Variants in ATP8B1 observed in about 807,000 individuals in gnomAD.
ATP8B1 encodes the protein ATPase phospholipid transporting 8B1, also known as phospholipid-transporting ATPase IC.
A neutral mutation model predicts 149.9 loss-of-function variants in ATP8B1; 80 were observed. The observed-to-expected ratio is 0.53, with a 90% CI of 0.45 to 0.64. ATP8B1 has a LOEUF of 0.64. ATP8B1 is among the 30% of genes least tolerant of loss of function. ATP8B1 has a pLI of 0.00. For missense variants in ATP8B1, 1,247 were observed against 1,552.6 expected, an observed-to-expected ratio of 0.80 and a Z score of 3.31; for synonymous variants, 536 against 562.8, an observed-to-expected ratio of 0.95 and a Z score of 0.67.
chr18:57,672,886 GTATATATATATATATATA>G (rs1198919117), intron 16 of ATP8B1, among the ~76,000 whole-genome samples: 3 of 14,062 alleles, frequency 2.1e-4, no homozygotes, highest in African/African-American at 4.6e-4. Flanking sequence ...AAAAAAAAAA[GTATATATATATATATATA>G]TATATATATA....
intron 1 of ATP8B1, among the ~76,000 whole-genome samples, chr18:57,796,954 T>G (rs975324298): frequency 4.6e-5 from 7 of 152,194 alleles, no homozygotes; most frequent in African/African-American, 1.7e-4. Flanking sequence ...TTATAGAAAA[T>G]GTTAAGTGTT....
At chr18:57,650,750 T>C (rs1427735514) in intron 26 of ATP8B1, among the ~76,000 whole-genome samples, 1 of 152,050 alleles carries the variant, frequency 6.6e-6, no homozygotes, top group Non-Finnish European at 1.5e-5. Context: ...GACAGCAGAA[T>C]TGCTTGAACC....
chr18:57,684,284 A>G, intron 14 of ATP8B1, 92 bp from the exon 15 acceptor site: 1 of 1,380,206 alleles, frequency 7.2e-7, no homozygotes, highest in East Asian at 2.5e-5. Flanking sequence ...CAAGGTTTCA[A>G]TTATGCAAAA....
chr18:57,774,745 T>A (rs1302195357), intron 1 of ATP8B1, among the ~76,000 whole-genome samples: 2 of 152,258 alleles, frequency 1.3e-5, no homozygotes, highest in Admixed American at 1.3e-4. Context: ...CAGATGTTTG[T>A]TGACTGAATG....
At chr18:57,753,931 CAA>C (rs1218057370) in intron 1 of ATP8B1, among the ~76,000 whole-genome samples, 1 of 71,040 alleles carries the variant, frequency 1.4e-5, no homozygotes, top group Non-Finnish European at 2.5e-5. Context: ...GACTCTGTCT[CAA>C]AAAAAAAAAA....
chr18:57,763,122 G>A (rs554109548), intron 1 of ATP8B1, among the ~76,000 whole-genome samples: 46 of 152,214 alleles, frequency 3.0e-4, no homozygotes, highest in Admixed American at 7.2e-4. Flanking sequence ...GGCCGGGCGC[G>A]GTGGCTCATG....
chr18:57,743,259 C>T (rs149344465), intron 1 of ATP8B1, among the ~76,000 whole-genome samples: 14 of 152,200 alleles, frequency 9.2e-5, no homozygotes, highest in Admixed American at 5.9e-4. Context: ...GTACAGTGAA[C>T]GCATCGTAGA....
intron 1 of ATP8B1, among the ~76,000 whole-genome samples, chr18:57,760,648 C>T (rs2080140301): frequency 1.3e-5 from 2 of 152,228 alleles, no homozygotes. Context: ...ACTATATCCT[C>T]CTCTTTGTTC....
chr18:57,708,157 CAAAA>C (rs36027330), intron 2 of ATP8B1, among the ~76,000 whole-genome samples: 2 of 67,074 alleles, frequency 3.0e-5, no homozygotes, highest in Non-Finnish European at 5.6e-5. Context: ...AACTCTGTCT[CAAAA>C]AAAAAAAAAA....
chr18:57,760,823 T>A (rs562569727), intron 1 of ATP8B1, among the ~76,000 whole-genome samples: 125 of 151,898 alleles, frequency 8.2e-4, no homozygotes, highest in African/African-American at 2.8e-3. Flanking sequence ...ACCCCGTCTC[T>A]ACTAAAAATA....
intron 1 of ATP8B1, among the ~76,000 whole-genome samples, chr18:57,753,949 G>GAAAAAAAAAAAAAAAAAAAAAAA (rs1165856929): frequency 1.1e-5 from 1 of 93,098 alleles, no homozygotes; most frequent in Non-Finnish European, 1.9e-5. Context: ...AAAAAAAAAA[G>GAAAAAAAAAAAAAAAAAAAAAAA]AAAGAAAGAA....
chr18:57,692,112 T>C, intron 11 of ATP8B1, 115 bp from the exon 12 acceptor site: 1 of 1,465,234 alleles, frequency 6.8e-7, no homozygotes, highest in Non-Finnish European at 9.1e-7. Flanking sequence ...TTTAGTAGTC[T>C]GAAAAATAAT....
intron 4 of ATP8B1, among the ~76,000 whole-genome samples, chr18:57,704,080 C>T (rs1441020331): frequency 6.6e-6 from 1 of 152,086 alleles, no homozygotes. Flanking sequence ...GATTCTCTTG[C>T]CTCAGTCTCC....
intron 1 of ATP8B1, among the ~76,000 whole-genome samples, chr18:57,733,671 A>G (rs951862765): frequency 2.1e-5 from 3 of 144,662 alleles, no homozygotes; most frequent in Non-Finnish European, 4.5e-5. Context: ...GCGCCACTGC[A>G]CTCCAGCCCG....
intron 15 of ATP8B1, among the ~76,000 whole-genome samples, chr18:57,677,303 A>G (rs1361253153): frequency 6.6e-6 from 1 of 152,220 alleles, no homozygotes; most frequent in African/African-American, 2.4e-5. Flanking sequence ...ATATCTCTGT[A>G]TACACATGTT....
chr18:57,778,899 C>T (rs997204634), intron 1 of ATP8B1, among the ~76,000 whole-genome samples: 1 of 152,194 alleles, frequency 6.6e-6, no homozygotes, highest in Non-Finnish European at 1.5e-5. Context: ...CTAACCCCTG[C>T]TCAAGGGAGA....
chr18:57,704,811 C>T (rs541922088), intron 3 of ATP8B1, 143 bp from the exon 4 acceptor site: 116 of 676,236 alleles, frequency 1.7e-4, no homozygotes, highest in Non-Finnish European at 2.7e-4. Context: ...TGTCTGGGTG[C>T]GGTGGCTTAT....
rs750811791 is a variant in ATP8B1 at position 57,731,704 on chromosome 18, T to C, written c.104A>G (p.Asp35Gly). 6 of 1,614,132 alleles carry C rather than the reference T, an allele frequency of 3.7e-6. No individual in the cohort carries two copies. The highest frequency in any genetic ancestry group is 4.2e-6 in the Non-Finnish European group (5 of 1,180,026). Residue 35 changes from aspartate (D) to glycine (G), a missense_variant, in exon 2 of 28, where the codon GAC becomes GGC. Physicochemically the swap from Asp to Gly is moderately conservative, Grantham distance 94. Around this residue, in one of 3 missense-constraint regions of ATP8B1, gnomAD observed 853 missense variants for 1,035.7 expected, o/e 0.82. Coordinates refer to ENST00000648908, the MANE Select transcript of ATP8B1 (RefSeq NM_001374385.1). ...TTCTGGTTCAACAGCAGACCCCTGG[T>C]CATCAAGTTCATCTTCTGTTTCATC... ...SDDETEDELD[D>G]QGSAVEPEQN...
chr18:57,753,550 G>A (rs2080043610), intron 1 of ATP8B1, among the ~76,000 whole-genome samples: 1 of 152,180 alleles, frequency 6.6e-6, no homozygotes, highest in Admixed American at 6.5e-5. Context: ...GGGAACACAT[G>A]CTTTATGCAG....
Sources: allele counts gnomAD v4.1 joint callset (sites outside exome capture counted in the v4.1 genomes callset), GRCh38; gene constraint gnomAD v4.1.1; regional missense constraint gnomAD v4.1.1; transcripts MANE v1.5; gene names NCBI Gene and HGNC (gene_info 2026-07-23, HGNC 2026-07-21).